The following NTM variants were observed in gnomAD, a reference collection of about 807,000 sequenced individuals.
NTM encodes neurotrimin, also known as IgLON family member 2.
Under a neutral mutation model 42.1 loss-of-function variants are expected in NTM, and 13 were observed. The observed-to-expected ratio is 0.31, with a 90% CI of 0.20 to 0.49. NTM has a LOEUF of 0.49. Among genes scored for constraint, NTM ranks in the 20% least tolerant of loss-of-function variants. NTM has a pLI of 0.99. For synonymous variants in NTM, 187 were observed against 179.2 expected (o/e 1.04, Z -0.35); for missense variants, 373 against 452.8 (o/e 0.82, Z 1.60).
intron 1 of NTM, chr11:131,581,904 C>G (rs190254260): frequency 4.6e-5 from 7 of 152,262 alleles, no homozygotes; most frequent in East Asian, 1.9e-4. Flanking sequence ...ACTCTCCCCC[C>G]TCTTCTCAAG....
chr11:131,845,482 G>A (rs1297301756), intron 1 of NTM, among the ~76,000 whole-genome samples: 1 of 152,130 alleles, frequency 6.6e-6, no homozygotes, highest in African/African-American at 2.4e-5. Flanking sequence ...GAAATGCAGA[G>A]TCTCAGGCCC....
intron 1 of NTM, among the ~76,000 whole-genome samples, chr11:131,452,252 G>A (rs1032401377): frequency 3.3e-5 from 5 of 152,212 alleles, no homozygotes; most frequent in South Asian, 2.1e-4. Flanking sequence ...GCTGCCGAGC[G>A]CCCCGTGGCC....
chr11:132,091,482 C>T (rs1368526431), intron 2 of NTM, among the ~76,000 whole-genome samples: 1 of 151,554 alleles, frequency 6.6e-6, no homozygotes, highest in East Asian at 1.9e-4. Flanking sequence ...TAACACATAC[C>T]ACATATTTAT....
chr11:132,088,641 C>G (rs545971924), intron 2 of NTM, among the ~76,000 whole-genome samples: 25 of 152,310 alleles, frequency 1.6e-4, no homozygotes, highest in African/African-American at 5.8e-4. Flanking sequence ...TACCCAATTC[C>G]TCCAGTGCGC....
intron 7 of NTM, among the ~76,000 whole-genome samples, chr11:132,329,596 T>C (rs1201735002): frequency 6.6e-6 from 1 of 152,236 alleles, no homozygotes; most frequent in Non-Finnish European, 1.5e-5. Flanking sequence ...TCTCCTCTGG[T>C]ACATGGAAGC....
At chr11:131,371,014 C>T (rs1029869602) in intron 1 of NTM, 126 bp downstream of exon 1, 2 of 1,502,640 alleles carry the variant, frequency 1.3e-6, no homozygotes, top group African/African-American at 2.8e-5. Flanking sequence ...AGCGTTTAGA[C>T]AGCATGGCTG....
intron 1 of NTM, among the ~76,000 whole-genome samples, chr11:131,555,089 G>A (rs940472363): frequency 1.3e-5 from 2 of 152,102 alleles, no homozygotes; most frequent in African/African-American, 4.8e-5. Context: ...TTGAGCTCAG[G>A]AATTTGAAGC....
At chr11:132,203,442 G>T (rs1157897031) in intron 3 of NTM, among the ~76,000 whole-genome samples, 4 of 152,168 alleles carry the variant, frequency 2.6e-5, no homozygotes, top group African/African-American at 9.7e-5. Context: ...TGATTGCCAT[G>T]CACTTATACA....
At chr11:132,293,468 G>A (rs763335113) in intron 4 of NTM, among the ~76,000 whole-genome samples, 12 of 152,168 alleles carry the variant, frequency 7.9e-5, no homozygotes, top group Middle Eastern at 3.2e-3. Context: ...TGCAGGAGAG[G>A]TTCCTGAGTG....
intron 1 of NTM, among the ~76,000 whole-genome samples, chr11:131,876,136 T>A (rs1358928529): frequency 6.6e-6 from 1 of 152,176 alleles, no homozygotes; most frequent in African/African-American, 2.4e-5. Flanking sequence ...TCCAAAGCGA[T>A]TTATCTGGTC....
chr11:131,519,145 A>T (rs1469079538), intron 1 of NTM, among the ~76,000 whole-genome samples: 1 of 152,228 alleles, frequency 6.6e-6, no homozygotes, highest in Non-Finnish European at 1.5e-5. Flanking sequence ...GGGCCACTTC[A>T]TGAGGAGAAG....
chr11:131,439,186 C>T (rs551143178), intron 1 of NTM, among the ~76,000 whole-genome samples: 1 of 152,226 alleles, frequency 6.6e-6, no homozygotes, highest in African/African-American at 2.4e-5. Flanking sequence ...AGCTTCATCC[C>T]AGAGGGTCAT....
chr11:131,528,002 A>G (rs549324191), intron 1 of NTM, among the ~76,000 whole-genome samples: 3 of 152,350 alleles, frequency 2.0e-5, no homozygotes, highest in African/African-American at 7.2e-5. Context: ...GGAAATGCTC[A>G]TTGTGACCCT....
At chr11:132,043,956 CTA>C (rs201008182) in intron 2 of NTM, among the ~76,000 whole-genome samples, 4,123 of 99,024 alleles carry the variant, frequency 0.042, 170 homozygotes, top group African/African-American at 0.15. Flanking sequence ...CAGACACCAA[CTA>C]TGTGTGTGTG....
chr11:131,442,029 A>G (rs1949664223), intron 1 of NTM, among the ~76,000 whole-genome samples: 1 of 152,206 alleles, frequency 6.6e-6, no homozygotes, highest in African/African-American at 2.4e-5. Context: ...CACAGGGTAA[A>G]AATTCAGAAG....
intron 1 of NTM, among the ~76,000 whole-genome samples, chr11:131,630,959 T>A (rs2063595285): frequency 6.6e-6 from 1 of 152,330 alleles, no homozygotes; most frequent in Non-Finnish European, 1.5e-5. Context: ...AAAACAAAGC[T>A]TTTCTCAATT....
At chr11:131,831,723 A>G (rs1425313285) in intron 1 of NTM, among the ~76,000 whole-genome samples, 3 of 152,134 alleles carry the variant, frequency 2.0e-5, no homozygotes, top group Admixed American at 6.5e-5. Flanking sequence ...ATTTGTGTTC[A>G]TGCTGTGACT....
intron 1 of NTM, among the ~76,000 whole-genome samples, chr11:131,734,949 C>A (rs1364394702): frequency 6.6e-6 from 1 of 152,002 alleles, no homozygotes; most frequent in African/African-American, 2.4e-5. Flanking sequence ...GGAAACATAA[C>A]CAAGGGGCTA....
chr11:132,310,339 C>A, intron 6 of NTM, 107 bp downstream of exon 6: 1 of 1,142,296 alleles, frequency 8.8e-7, no homozygotes, highest in South Asian at 1.9e-5. Flanking sequence ...AAATCCTCTT[C>A]TGAACTTATC....
Sources: gnomAD v4.1 joint callset for allele counts (sites outside exome capture counted in the v4.1 genomes callset) on GRCh38, gnomAD v4.1.1 for gene constraint, MANE v1.5 for transcripts, NCBI Gene and HGNC (gene_info 2026-07-23, HGNC 2026-07-21) for gene names.